The following ZNF277 variants were observed in gnomAD, a reference collection of about 807,000 sequenced individuals.
The protein encoded by ZNF277 is zinc finger protein 277, also known as nuclear receptor-interacting factor 4.
A neutral mutation model predicts 60.7 loss-of-function variants in ZNF277; 55 were observed. That is an observed-to-expected ratio of 0.91 (90% confidence interval 0.73 to 1.13). The LOEUF (loss-of-function observed/expected upper bound fraction) is 1.13, where lower values mean the gene tolerates loss of function less well. ZNF277 is among the 50% of genes most tolerant of loss of function. The pLI is 0.00. For missense variants in ZNF277, 510 were observed against 523.0 expected, an observed-to-expected ratio of 0.98 and a Z score of 0.24; for synonymous variants, 178 against 179.3, an observed-to-expected ratio of 0.99 and a Z score of 0.06.
intron 1 of ZNF277, among the ~76,000 whole-genome samples, chr7:112,231,003 A>G (rs1822310883): frequency 6.6e-6 from 1 of 152,166 alleles, no homozygotes. Flanking sequence ...TCACGAGGTC[A>G]GGAGTTCAAG....
chr7:112,310,486 T>TAGAA (rs1792703936), intron 4 of ZNF277, among the ~76,000 whole-genome samples: 1 of 97,006 alleles, frequency 1.0e-5, no homozygotes. Flanking sequence ...AGAGTGTGTG[T>TAGAA]GTGTGTATGT....
intron 7 of ZNF277, 102 bp from the exon 8 acceptor site, chr7:112,336,002 G>A: frequency 1.2e-6 from 1 of 840,292 alleles, no homozygotes; most frequent in Non-Finnish European, 1.9e-6. Context: ...AAACATGGGT[G>A]GTTTTGTTTA....
At chr7:112,303,770 T>G (rs1042202739) in intron 4 of ZNF277, among the ~76,000 whole-genome samples, 2 of 152,158 alleles carry the variant, frequency 1.3e-5, no homozygotes, top group Non-Finnish European at 2.9e-5. Context: ...ATGTTTAAAT[T>G]CGTCTCATTT....
chr7:112,330,548 C>CTTCTTTTT (rs1793204568), intron 7 of ZNF277: 2 of 108,056 alleles, frequency 1.9e-5, no homozygotes, highest in Admixed American at 1.2e-4. Context: ...AGACTCCTTT[C>CTTCTTTTT]TTTTTTTTTT....
chr7:112,291,120 G>A (rs940702172), intron 2 of ZNF277, among the ~76,000 whole-genome samples: 1 of 152,128 alleles, frequency 6.6e-6, no homozygotes, highest in African/African-American at 2.4e-5. Context: ...TCTTTCCATT[G>A]AGTCCATTTA....
intron 2 of ZNF277, among the ~76,000 whole-genome samples, chr7:112,294,597 A>G (rs1349385385): frequency 1.3e-5 from 2 of 152,210 alleles, no homozygotes; most frequent in Non-Finnish European, 2.9e-5. Flanking sequence ...AAACTTAAAC[A>G]TGGGATTCTA....
At chr7:112,239,018 C>G (rs1032620212) in intron 1 of ZNF277, among the ~76,000 whole-genome samples, 3 of 151,952 alleles carry the variant, frequency 2.0e-5, no homozygotes, top group Non-Finnish European at 4.4e-5. Flanking sequence ...ACTAAAGAAC[C>G]CTGGAGCCTT....
chr7:112,333,711 G>C (rs1382249341), intron 7 of ZNF277, among the ~76,000 whole-genome samples: 1 of 152,212 alleles, frequency 6.6e-6, no homozygotes, highest in African/African-American at 2.4e-5. Flanking sequence ...GATAATTTCT[G>C]TGCTGAATCA....
chr7:112,233,766 A>G (rs919950086), intron 1 of ZNF277, among the ~76,000 whole-genome samples: 3 of 152,204 alleles, frequency 2.0e-5, no homozygotes, highest in Admixed American at 6.5e-5. Flanking sequence ...ACAGGTTCCA[A>G]TATTCTCATT....
chr7:112,299,739 A>T (rs576162941), intron 4 of ZNF277, among the ~76,000 whole-genome samples: 1 of 152,334 alleles, frequency 6.6e-6, no homozygotes, highest in Non-Finnish European at 1.5e-5. Flanking sequence ...CCCCAGCTCA[A>T]TATTTCAACT....
chr7:112,208,625 A>T (rs1587072876), intron 1 of ZNF277, among the ~76,000 whole-genome samples: 2 of 126,118 alleles, frequency 1.6e-5, no homozygotes, highest in African/African-American at 5.9e-5. Context: ...TACAATCCGT[A>T]TTCTGTTAAA....
chr7:112,239,661 A>G (rs1790896790), intron 1 of ZNF277, among the ~76,000 whole-genome samples: 1 of 152,230 alleles, frequency 6.6e-6, no homozygotes, highest in Non-Finnish European at 1.5e-5. Context: ...CCTGTCCTAC[A>G]AGACATGCTA....
At chr7:112,322,646 T>C (rs1793009724) in intron 5 of ZNF277, among the ~76,000 whole-genome samples, 1 of 152,124 alleles carries the variant, frequency 6.6e-6, no homozygotes, top group African/African-American at 2.4e-5. Flanking sequence ...GACAGGGGTT[T>C]CTTTAGTTCT....
At chr7:112,266,395 C>T (rs1342713858) in intron 1 of ZNF277, among the ~76,000 whole-genome samples, 1 of 152,158 alleles carries the variant, frequency 6.6e-6, no homozygotes, top group Admixed American at 6.5e-5. Context: ...AATCCATCCT[C>T]CTCAGCCTGT....
At chr7:112,263,663 G>A (rs971150893) in intron 1 of ZNF277, among the ~76,000 whole-genome samples, 1 of 152,148 alleles carries the variant, frequency 6.6e-6, no homozygotes, top group Admixed American at 6.5e-5. Context: ...TTGCATTTGT[G>A]TGTGTAGTTA....
chr7:112,327,883 G>C lies in ZNF277; in HGVS notation c.668+56G>C, dbSNP rs572119812. On this transcript the variant is annotated intron_variant, in intron 6 of 11. Coordinates refer to ENST00000361822, the MANE Select transcript of ZNF277 (RefSeq NM_021994.3). ...AGCTGTTTTAATCTTGGACTCTGTT[G>C]TGAATATTTTTAAATTAATTTAATA... 3.9e-5 allele frequency: 45 copies of C among 1,146,790 alleles called. No homozygotes were observed. In the Middle Eastern group the frequency reaches 6.1e-4, roughly 16 times the overall value. The allele number at this position is 1,146,790 out of a possible 1,614,324, so 71.0% of individuals were successfully genotyped here.
chr7:112,276,959 A>C (rs1036315309), intron 1 of ZNF277, among the ~76,000 whole-genome samples: 2 of 152,206 alleles, frequency 1.3e-5, no homozygotes, highest in Admixed American at 1.3e-4. Flanking sequence ...ATTGAATGAC[A>C]CTATTCACTT....
intron 4 of ZNF277, among the ~76,000 whole-genome samples, chr7:112,317,094 T>G (rs1025521031): frequency 3.3e-5 from 5 of 152,140 alleles, no homozygotes; most frequent in Admixed American, 2.6e-4. Context: ...AAGTAAGAGT[T>G]GAACAATGAG....
intron 5 of ZNF277, among the ~76,000 whole-genome samples, chr7:112,324,787 C>G (rs903317598): frequency 2.6e-5 from 4 of 152,134 alleles, no homozygotes; most frequent in Admixed American, 6.5e-5. Flanking sequence ...GGAATTGGCT[C>G]ACACAATTAT....
Sources: gnomAD v4.1 joint callset for allele counts (sites outside exome capture counted in the v4.1 genomes callset) on GRCh38, gnomAD v4.1.1 for gene constraint, MANE v1.5 for transcripts, NCBI Gene and HGNC (gene_info 2026-07-23, HGNC 2026-07-21) for gene names.